Variants in AKAP10 observed in about 807,000 individuals in gnomAD.
AKAP10 encodes A-kinase anchoring protein 10, also known as A-kinase anchor protein 10, mitochondrial.
A neutral mutation model predicts 80.8 loss-of-function variants in AKAP10; 24 were observed. That is an observed-to-expected ratio of 0.30 (90% confidence interval 0.22 to 0.42). AKAP10 has a LOEUF of 0.42. AKAP10 is among the 10% of genes least tolerant of loss of function. The pLI, the probability that AKAP10 is intolerant of heterozygous loss-of-function variation, is 1.00. For missense variants in AKAP10, 661 were observed against 794.9 expected (o/e 0.83, Z 2.03); for synonymous variants, 291 against 277.7 (o/e 1.05, Z -0.48).
intron 9 of AKAP10, among the ~76,000 whole-genome samples, chr17:19,933,964 C>T (rs1310782819): frequency 2.0e-5 from 3 of 152,050 alleles, no homozygotes; most frequent in Non-Finnish European, 2.9e-5. Flanking sequence ...TCTTGTTGCC[C>T]AGGCTGGAGT....
At chr17:19,948,680 G>A (rs1341778085) in intron 4 of AKAP10, among the ~76,000 whole-genome samples, 2 of 152,140 alleles carry the variant, frequency 1.3e-5, no homozygotes, top group South Asian at 2.1e-4. Flanking sequence ...AAGGCAGAAC[G>A]TGTCAGGGAC....
At chr17:19,916,609 A>T (rs2042744801) in intron 12 of AKAP10, among the ~76,000 whole-genome samples, 1 of 151,998 alleles carries the variant, frequency 6.6e-6, no homozygotes, top group African/African-American at 2.4e-5. Flanking sequence ...GCACTTCTTC[A>T]TGAGCTGTCA....
intron 8 of AKAP10, 68 bp downstream of exon 8, chr17:19,939,645 T>C (rs2043030959): frequency 1.3e-6 from 2 of 1,549,944 alleles, no homozygotes; most frequent in Non-Finnish European, 8.7e-7. Flanking sequence ...TTTATTCATC[T>C]TTATTTCCAC....
At chr17:19,946,273 ATATTT>A (rs1354100341) in intron 5 of AKAP10, among the ~76,000 whole-genome samples, 499 of 19,798 alleles carry the variant, frequency 0.025, 42 homozygotes, top group Non-Finnish European at 0.035. Flanking sequence ...ATATATATAT[ATATTT>A]TTTTTTTTTT....
intron 5 of AKAP10, 35 bp downstream of exon 5, chr17:19,947,371 CA>C (rs752659588): frequency 6.8e-7 from 1 of 1,471,920 alleles, no homozygotes; most frequent in Admixed American, 1.9e-5. Flanking sequence ...CATTTTTTGT[CA>C]TTTTTTTTTT....
intron 5 of AKAP10, among the ~76,000 whole-genome samples, chr17:19,943,596 C>T (rs1242014410): frequency 6.6e-6 from 1 of 152,216 alleles, no homozygotes; most frequent in Non-Finnish European, 1.5e-5. Context: ...CCTGTTCAAT[C>T]TGTATCCTTT....
At chr17:19,965,208 CA>C (rs766846135) in intron 2 of AKAP10, among the ~76,000 whole-genome samples, 20 of 152,340 alleles carry the variant, frequency 1.3e-4, no homozygotes, top group Non-Finnish European at 2.4e-4. Flanking sequence ...CACCAGTCTC[CA>C]AAACTCAAAA....
At chr17:19,940,839 A>G (rs1441766065) in intron 7 of AKAP10, 48 bp downstream of exon 7, 2 of 1,530,700 alleles carry the variant, frequency 1.3e-6, no homozygotes, top group Non-Finnish European at 1.7e-6. Flanking sequence ...ATTGATAGTT[A>G]GAGGCTGGAA....
chr17:19,945,302 C>T (rs2043091629), intron 5 of AKAP10, among the ~76,000 whole-genome samples: 1 of 151,990 alleles, frequency 6.6e-6, no homozygotes, highest in Non-Finnish European at 1.5e-5. Context: ...ATCCACACGC[C>T]AGTCAGGCTA....
At chr17:19,932,634 A>C (rs1487711089) in intron 9 of AKAP10, among the ~76,000 whole-genome samples, 5 of 152,094 alleles carry the variant, frequency 3.3e-5, no homozygotes, top group Non-Finnish European at 7.4e-5. Flanking sequence ...CTTTGTGCAT[A>C]TATTGATTTT....
intron 4 of AKAP10, among the ~76,000 whole-genome samples, chr17:19,954,722 T>C (rs1291268287): frequency 6.6e-6 from 1 of 151,438 alleles, no homozygotes; most frequent in Non-Finnish European, 1.5e-5. Context: ...CTCGATCTCC[T>C]GACCTCGTAA....
chr17:19,944,586 C>T (rs937166448), intron 5 of AKAP10, among the ~76,000 whole-genome samples: 2 of 152,122 alleles, frequency 1.3e-5, no homozygotes, highest in Non-Finnish European at 2.9e-5. Context: ...ACCCAGGAGG[C>T]GGAGGTTGCC....
intron 1 of AKAP10, among the ~76,000 whole-genome samples, chr17:19,970,764 G>A (rs1383798261): frequency 1.3e-5 from 2 of 151,960 alleles, no homozygotes; most frequent in Admixed American, 1.3e-4. Flanking sequence ...CCGAGATTGC[G>A]GTGAGCTGAG....
At chr17:19,914,175 C>T (rs2042720003) in intron 12 of AKAP10, among the ~76,000 whole-genome samples, 1 of 152,002 alleles carries the variant, frequency 6.6e-6, no homozygotes, top group African/African-American at 2.4e-5. Context: ...AATTTTTAAA[C>T]AATTTTTTAT....
At position 19,946,268 on chromosome 17, in the gene AKAP10, TATATA is replaced by T. The variant is rs1567765969; in HGVS notation, c.976+1134_976+1138del. On this transcript the variant is annotated intron_variant, in intron 5 of 14. Coordinates refer to ENST00000225737, the MANE Select transcript of AKAP10 (RefSeq NM_007202.4). ...ATATATATATATATATATATATATATATATATATTTTTTTTTTTTTTTTTTTTTTT... is the reference window on the plus strand; with the variant it reads ...ATATATATATATATATATATATATATTATTTTTTTTTTTTTTTTTTTTTTT... Among the ~76,000 whole-genome samples, 27 of 31,702 alleles carry T rather than the reference TATATA, an allele frequency of 8.5e-4. 2 individuals carry two copies. The highest frequency in any genetic ancestry group is 2.9e-3 in the African/African-American group (24 of 8,154). 20.8% of individuals were successfully genotyped at this position (31,702 alleles called of 152,430 possible). A position where few individuals can be genotyped will look rare whatever the true frequency, so the allele number is the denominator to read the frequency against.
chr17:19,971,110 C>T (rs989635777), intron 1 of AKAP10, among the ~76,000 whole-genome samples: 1 of 151,826 alleles, frequency 6.6e-6, no homozygotes, highest in East Asian at 2.0e-4. Flanking sequence ...CTCAGCCTCC[C>T]AAAGTGCTGG....
At chr17:19,931,762 G>C in intron 10 of AKAP10, 43 bp downstream of exon 10, 1 of 1,562,800 alleles carries the variant, frequency 6.4e-7, no homozygotes, top group Non-Finnish European at 8.7e-7. Context: ...AGGAAAGGAT[G>C]TGTATGCTTT....
At chr17:19,926,792 C>T (rs1184315336) in intron 10 of AKAP10, among the ~76,000 whole-genome samples, 1 of 152,204 alleles carries the variant, frequency 6.6e-6, no homozygotes, top group Admixed American at 6.5e-5. Flanking sequence ...GAAGATACAT[C>T]CATGTTCACA....
At position 19,940,989 on chromosome 17, in the gene AKAP10, T is replaced by G. The variant is rs766608295; in HGVS notation, c.1083A>C (p.Arg361=). Residue 361 remains arginine (R), a synonymous_variant, in exon 7 of 15, where the codon CGA becomes CGC. Coordinates refer to ENST00000225737, the MANE Select transcript of AKAP10 (RefSeq NM_007202.4). ...MEQEHFSEFL[R]SHHFCKYQIE... is the part of the protein sequence containing the mutation. ...TCTGGTATTTACAGAAATGGTGACT[T>G]CGCAGAAACTCACTAAAGTGCCTGC... The G allele has an allele frequency of 6.2e-7, 1 of 1,606,000 alleles. No individual in the cohort carries two copies. Among genetic ancestry groups the G allele is most frequent in the African/African-American group, 1.3e-5 (1 of 74,466 alleles).
Sources: allele counts gnomAD v4.1 joint callset (sites outside exome capture counted in the v4.1 genomes callset), GRCh38; gene constraint gnomAD v4.1.1; transcripts MANE v1.5; gene names NCBI Gene and HGNC (gene_info 2026-07-23, HGNC 2026-07-21).